Variants in STPG2 observed in about 807,000 individuals in gnomAD.
STPG2 encodes the protein sperm tail PG-rich repeat containing 2.
Under a neutral mutation model 54.2 loss-of-function variants are expected in STPG2, and 56 were observed. The observed-to-expected ratio is 1.03, with a 90% CI of 0.83 to 1.29. The LOEUF (loss-of-function observed/expected upper bound fraction) is 1.29. STPG2 is among the 50% of genes most tolerant of loss of function. STPG2 has a pLI of 0.00. For synonymous variants in STPG2, 200 were observed against 181.8 expected (o/e 1.10, Z -0.81); for missense variants, 596 against 544.9 (o/e 1.09, Z -0.93).
chr4:97,598,607 A>G (rs900932401), intron 10 of STPG2, among the ~76,000 whole-genome samples: 2 of 151,944 alleles, frequency 1.3e-5, no homozygotes, highest in African/African-American at 2.4e-5. Flanking sequence ...AGAGAGCCCA[A>G]TATCAAGCTG....
At chr4:98,120,477 G>C (rs1386964682) in intron 3 of STPG2, among the ~76,000 whole-genome samples, 1 of 152,110 alleles carries the variant, frequency 6.6e-6, no homozygotes, top group Non-Finnish European at 1.5e-5. Context: ...AGATCTCTGA[G>C]GAATCACCAC....
At chr4:97,733,265 G>A (rs1156230527) in intron 9 of STPG2, among the ~76,000 whole-genome samples, 1 of 151,982 alleles carries the variant, frequency 6.6e-6, no homozygotes, top group African/African-American at 2.4e-5. Context: ...GCCACTAAAA[G>A]GAATGAAATA....
At chr4:97,895,147 A>G (rs1730910389) in intron 8 of STPG2, among the ~76,000 whole-genome samples, 1 of 151,866 alleles carries the variant, frequency 6.6e-6, no homozygotes, top group Non-Finnish European at 1.5e-5. Flanking sequence ...ATAAAGTATG[A>G]TAGTGATGAC....
intron 5 of STPG2, among the ~76,000 whole-genome samples, chr4:98,023,276 G>T (rs905382968): frequency 2.6e-5 from 4 of 152,184 alleles, no homozygotes; most frequent in Non-Finnish European, 4.4e-5. Context: ...GTTTGCTGGA[G>T]GTCCACTCCA....
intron 5 of STPG2, among the ~76,000 whole-genome samples, chr4:98,001,515 A>G (rs1735415531): frequency 6.6e-6 from 1 of 152,130 alleles, no homozygotes; most frequent in Non-Finnish European, 1.5e-5. Flanking sequence ...AAGAAACATT[A>G]TCACTTAATG....
At chr4:97,527,730 T>C (rs1168945839) in intron 4 of STPG2, among the ~76,000 whole-genome samples, 1 of 152,230 alleles carries the variant, frequency 6.6e-6, no homozygotes, top group Admixed American at 6.5e-5. Context: ...TGTTTTGATA[T>C]GCATTTCTCT....
rs754065047 is a variant in STPG2 at position 97,559,132 on chromosome 4, T to C, written c.1321-15A>G. The C allele has an allele frequency of 1.3e-6, 2 of 1,546,468 alleles. No individual in the cohort carries two copies. The highest frequency in any genetic ancestry group is 2.5e-5 in the South Asian group (2 of 80,414). On this transcript the variant is annotated splice_polypyrimidine_tract_variant and intron_variant, in intron 10 of 10. Coordinates refer to ENST00000295268, the MANE Select transcript of STPG2 (RefSeq NM_174952.3). ...TCCTGGGATATCTGTTTAATAAGAA[T>C]GAGAAAAAAAGGAGGAAAACATCTA...
intron 5 of STPG2, among the ~76,000 whole-genome samples, chr4:98,044,654 T>C (rs1289680034): frequency 6.6e-6 from 1 of 152,158 alleles, no homozygotes; most frequent in East Asian, 1.9e-4. Context: ...CCAGGACTGA[T>C]GATGATGCAT....
At chr4:98,054,289 C>A (rs1000906358) in intron 5 of STPG2, among the ~76,000 whole-genome samples, 1 of 152,090 alleles carries the variant, frequency 6.6e-6, no homozygotes, top group Admixed American at 6.5e-5. Flanking sequence ...AGGTGTTACT[C>A]CATATAAAGT....
intron 9 of STPG2, among the ~76,000 whole-genome samples, chr4:97,779,963 G>A (rs1726548274): frequency 6.6e-6 from 1 of 151,548 alleles, no homozygotes; most frequent in Admixed American, 6.6e-5. Context: ...ACCGGTACCA[G>A]CCACTGCAAA....
In STPG2 at chr4:97,567,786, G is replaced by A. The variant is rs545547233; in HGVS notation, c.1321-8669C>T. Among the ~76,000 whole-genome samples the A allele has an allele frequency of 1.1e-4, 16 of 151,964 alleles. No homozygotes were observed. In the South Asian group the frequency reaches 1.2e-3, roughly 12 times the overall value. ...TAAAATAAAGAATAAAAGATATACC[G>A]CATGTTGTATATGTGTATAGCATAT... On this transcript the variant is annotated intron_variant, in intron 10 of 10. Coordinates refer to ENST00000295268, the MANE Select transcript of STPG2 (RefSeq NM_174952.3).
rs112366379 is a variant in STPG2, at chr4:97,935,420, T to C, written c.1044+8477A>G. Among the ~76,000 whole-genome samples, 530 of 152,314 alleles carry C rather than the reference T, an allele frequency of 3.5e-3. 4 individuals carry two copies. The highest frequency in any genetic ancestry group is 0.012 in the African/African-American group (510 of 41,578). On this transcript the variant is annotated intron_variant, in intron 8 of 10. Coordinates refer to ENST00000295268, the MANE Select transcript of STPG2 (RefSeq NM_174952.3). ...ATCTTAGTTATTTCTTGTCTTCTGC[T>C]AGCTTTTGGATTTGTTTGCTCTTGC... is the stretch of plus-strand genomic sequence containing the variant.
intron 10 of STPG2, among the ~76,000 whole-genome samples, chr4:97,662,932 A>T (rs1394139020): frequency 6.6e-6 from 1 of 152,158 alleles, no homozygotes; most frequent in Non-Finnish European, 1.5e-5. Flanking sequence ...CCGAATATAA[A>T]AGTTGAAATT....
At chr4:98,109,741 T>C (rs942103749) in intron 3 of STPG2, among the ~76,000 whole-genome samples, 1 of 152,168 alleles carries the variant, frequency 6.6e-6, no homozygotes, top group African/African-American at 2.4e-5. Flanking sequence ...ATTACATAAC[T>C]TCATATTAAT....
At chr4:98,050,388 G>C (rs1737279132) in intron 5 of STPG2, among the ~76,000 whole-genome samples, 1 of 150,792 alleles carries the variant, frequency 6.6e-6, no homozygotes, top group African/African-American at 2.5e-5. Flanking sequence ...GAGGATTCAT[G>C]ATAATAGTCT....
At chr4:97,812,449 A>G (rs1284119007) in intron 9 of STPG2, among the ~76,000 whole-genome samples, 1 of 152,124 alleles carries the variant, frequency 6.6e-6, no homozygotes, top group Non-Finnish European at 1.5e-5. Flanking sequence ...CTAAAATTGG[A>G]TATCATAAAG....
At chr4:98,082,786 A>G (rs1738389986) in intron 5 of STPG2, among the ~76,000 whole-genome samples, 1 of 151,958 alleles carries the variant, frequency 6.6e-6, no homozygotes. Flanking sequence ...TTTCCTAAAT[A>G]ACAAATCTAA....
chr4:97,948,093 G>T (rs1195655894), intron 7 of STPG2, among the ~76,000 whole-genome samples: 1 of 151,790 alleles, frequency 6.6e-6, no homozygotes, highest in Non-Finnish European at 1.5e-5. Context: ...GCTTGTTATT[G>T]GTCTGGTCTG....
intron 4 of STPG2, among the ~76,000 whole-genome samples, chr4:97,516,546 T>A (rs1284571011): frequency 6.6e-6 from 1 of 152,006 alleles, no homozygotes; most frequent in Non-Finnish European, 1.5e-5. Flanking sequence ...TTATAGGCCA[T>A]GTGCTGTGGC....
Sources: allele counts gnomAD v4.1 joint callset (sites outside exome capture counted in the v4.1 genomes callset), GRCh38; gene constraint gnomAD v4.1.1; transcripts MANE v1.5; gene names NCBI Gene and HGNC (gene_info 2026-07-23, HGNC 2026-07-21).